The following ESRRB variants were observed in gnomAD, a reference collection of about 807,000 sequenced individuals.
ESRRB encodes the protein estrogen related receptor beta, also known as steroid hormone receptor ERR2.
Under a neutral mutation model 46.0 loss-of-function variants are expected in ESRRB, and 16 were observed. The observed-to-expected ratio is 0.35, with a 90% CI of 0.24 to 0.53. The LOEUF is 0.53. ESRRB is among the 20% of genes least tolerant of loss of function. ESRRB has a pLI of 0.93. For synonymous variants in ESRRB, 246 were observed against 259.6 expected (o/e 0.95, Z 0.50); for missense variants, 488 against 607.4 (o/e 0.80, Z 2.07).
chr14:76,348,756 C>T (rs1265450205), intron 1 of ESRRB, among the ~76,000 whole-genome samples: 2 of 152,104 alleles, frequency 1.3e-5, no homozygotes, highest in African/African-American at 2.4e-5. Context: ...TGGGTGATTG[C>T]GGGGTTTTGG....
intron 1 of ESRRB, among the ~76,000 whole-genome samples, chr14:76,427,913 C>T (rs149432323): frequency 2.0e-5 from 3 of 152,274 alleles, no homozygotes; most frequent in Non-Finnish European, 4.4e-5. Context: ...CCAGCTCTAA[C>T]CACAAAGCTC....
chr14:76,486,418 G>A (rs752529952), intron 5 of ESRRB, among the ~76,000 whole-genome samples: 17 of 152,300 alleles, frequency 1.1e-4, no homozygotes, highest in Admixed American at 3.9e-4. Flanking sequence ...ATGAGCTGCC[G>A]AGTGACAGCA....
intron 1 of ESRRB, among the ~76,000 whole-genome samples, chr14:76,352,151 G>A (rs1257370693): frequency 1.3e-5 from 2 of 152,112 alleles, no homozygotes; most frequent in African/African-American, 4.8e-5. Context: ...TGAACTGTGT[G>A]ACTCAGGAAA....
chr14:76,314,915 AC>A (rs1171727312), intron 1 of ESRRB, among the ~76,000 whole-genome samples: 2 of 152,070 alleles, frequency 1.3e-5, no homozygotes, highest in African/African-American at 4.8e-5. Context: ...AATCCCTGAT[AC>A]AAGGGGATTC....
At chr14:76,358,140 C>T (rs1055897013) in intron 1 of ESRRB, among the ~76,000 whole-genome samples, 9 of 151,510 alleles carry the variant, frequency 5.9e-5, no homozygotes, top group African/African-American at 2.2e-4. Context: ...GGCAAAACCC[C>T]GTCTCTACTA....
intron 1 of ESRRB, among the ~76,000 whole-genome samples, chr14:76,412,941 C>T (rs922231700): frequency 2.0e-5 from 3 of 152,040 alleles, no homozygotes; most frequent in South Asian, 4.2e-4. Flanking sequence ...CATAGGGAGA[C>T]CCTATCTCTA....
At chr14:76,330,736 G>T (rs955775022) in intron 1 of ESRRB, among the ~76,000 whole-genome samples, 1 of 152,214 alleles carries the variant, frequency 6.6e-6, no homozygotes, top group Non-Finnish European at 1.5e-5. Flanking sequence ...CGCTGTCCCT[G>T]GTGGAGGAAA....
intron 1 of ESRRB, among the ~76,000 whole-genome samples, chr14:76,338,514 C>T (rs1206618657): frequency 6.6e-6 from 1 of 152,262 alleles, no homozygotes; most frequent in Non-Finnish European, 1.5e-5. Context: ...CATCTCAACT[C>T]CAGGCTGCCT....
rs143186540 is a variant in ESRRB at position 76,311,074 on chromosome 14, C to G, written c.2+158C>G. Among the ~76,000 whole-genome samples, 186 of 150,896 alleles carry G rather than the reference C, an allele frequency of 1.2e-3. 1 individual carries two copies. Among genetic ancestry groups the G allele is most frequent in the African/African-American group, 4.3e-3 (177 of 40,842 alleles). ...TTCTTTCATCCTGGTTTTCCGCACTCTAAAGCATCCCTGTGTGGCCGAGAG... is the reference window on the plus strand; with the variant it reads ...TTCTTTCATCCTGGTTTTCCGCACTGTAAAGCATCCCTGTGTGGCCGAGAG... On this transcript the variant is annotated intron_variant, in intron 1 of 6. Coordinates refer to the ESRRB transcript ENST00000512784.
At chr14:76,362,018 T>G (rs1884470696) in intron 1 of ESRRB, among the ~76,000 whole-genome samples, 1 of 152,030 alleles carries the variant, frequency 6.6e-6, no homozygotes. Context: ...CTGCCCTGAG[T>G]CTGGGGCTGA....
intron 2 of ESRRB, among the ~76,000 whole-genome samples, chr14:76,450,015 C>G (rs1453693384): frequency 6.6e-6 from 1 of 152,030 alleles, no homozygotes; most frequent in Non-Finnish European, 1.5e-5. Flanking sequence ...TGGCCCCCAC[C>G]CTAGTGGGCT....
chr14:76,488,520 C>A (rs1398763015), intron 5 of ESRRB, among the ~76,000 whole-genome samples: 1 of 152,198 alleles, frequency 6.6e-6, no homozygotes, highest in African/African-American at 2.4e-5. Flanking sequence ...AGGGTCTAAC[C>A]AAGTACTGTG....
At chr14:76,463,948 C>G (rs1223689011) in intron 3 of ESRRB, among the ~76,000 whole-genome samples, 1 of 152,074 alleles carries the variant, frequency 6.6e-6, no homozygotes, top group Non-Finnish European at 1.5e-5. Flanking sequence ...GGCAGTCCTC[C>G]CACCTCAGCC....
chr14:76,487,350 C>T (rs1292410939), intron 5 of ESRRB, among the ~76,000 whole-genome samples: 1 of 152,168 alleles, frequency 6.6e-6, no homozygotes, highest in East Asian at 1.9e-4. Flanking sequence ...TAGTGAACAG[C>T]AGAGTTAGGA....
chr14:76,419,310 C>T (rs1005866511), intron 1 of ESRRB, among the ~76,000 whole-genome samples: 7 of 152,154 alleles, frequency 4.6e-5, no homozygotes, highest in Admixed American at 3.3e-4. Flanking sequence ...CCACCGCACA[C>T]GGCTGAGAGT....
At chr14:76,403,051 A>G (rs35479839) in intron 1 of ESRRB, among the ~76,000 whole-genome samples, 38,524 of 152,032 alleles carry the variant, frequency 0.25, 5,172 homozygotes, top group Admixed American at 0.31. Flanking sequence ...TTGGCTTCCC[A>G]AAGTGCTGGA....
intron 1 of ESRRB, among the ~76,000 whole-genome samples, chr14:76,320,752 T>C (rs1595043641): frequency 6.6e-6 from 1 of 152,148 alleles, no homozygotes; most frequent in Non-Finnish European, 1.5e-5. Context: ...GGGGTGGTGG[T>C]TGGTGCCTTC....
chr14:76,325,307 A>T (rs879478867), intron 1 of ESRRB, among the ~76,000 whole-genome samples: 13 of 152,148 alleles, frequency 8.5e-5, no homozygotes, highest in Admixed American at 8.5e-4. Context: ...CGTGGGAAAA[A>T]TACGGAAGAT....
rs1424572076 is a variant in ESRRB at position 76,439,706 on chromosome 14, C to A, written c.416C>A (p.Ala139Asp). The A allele has an allele frequency of 6.2e-7, 1 of 1,614,030 alleles. No individual in the cohort carries two copies. Among genetic ancestry groups the A allele is most frequent in the African/African-American group, 1.3e-5 (1 of 74,940 alleles). The change falls in exon 2 of 7, where the codon GCC becomes GAC. Residue 139 changes from alanine (A) to aspartate (D), a missense_variant. By Grantham distance (126) the Ala-to-Asp change is moderately radical. Transcript: ENST00000644823. ...GCCTCTGGCTACCACTACGGCGTGG[C>A]CTCCTGCGAGGCTTGCAAGGCCTTC... is the stretch of plus-strand genomic sequence containing the variant. The part of the protein sequence containing the change: ...DIASGYHYGV[A>D]SCEACKAFFK...
Sources: gnomAD v4.1 joint callset for allele counts (sites outside exome capture counted in the v4.1 genomes callset) on GRCh38, gnomAD v4.1.1 for gene constraint, MANE v1.5 for transcripts, NCBI Gene and HGNC (gene_info 2026-07-23, HGNC 2026-07-21) for gene names.